The following ATP2B2 variants were observed in gnomAD, a reference collection of about 807,000 sequenced individuals.
The protein encoded by ATP2B2 is plasma membrane calcium-transporting ATPase 2.
ATP2B2 carries 15 observed loss-of-function variants against 120.0 expected under a neutral mutation model. That is an observed-to-expected ratio of 0.12 (90% confidence interval 0.08 to 0.19). The LOEUF (loss-of-function observed/expected upper bound fraction) is 0.19. Ranked by LOEUF, ATP2B2 falls within the 10% of genes least tolerant of loss-of-function variation. The pLI is 1.00. For missense variants in ATP2B2, 1,045 were observed against 1,719.8 expected (o/e 0.61, Z 6.94); for synonymous variants, 694 against 700.3 (o/e 0.99, Z 0.14).
At chr3:10,445,452 G>A (rs2063805503) in intron 2 of ATP2B2, among the ~76,000 whole-genome samples, 1 of 152,236 alleles carries the variant, frequency 6.6e-6, no homozygotes, top group South Asian at 2.1e-4. Context: ...AACCAACAGT[G>A]GAAGAGGAAA....
rs150536494 is a variant in ATP2B2 at position 10,378,462 on chromosome 3, T to A, written c.1043-52A>T. On this transcript the variant is annotated intron_variant, in intron 9 of 22. Coordinates refer to ENST00000360273, the MANE Select transcript of ATP2B2 (RefSeq NM_001001331.4). ...ATACACACAGACACATAGACACACA[T>A]GCAGGTCAGCCCACAGGGTGGAGAC... 8 of 1,596,970 alleles carry A rather than the reference T, an allele frequency of 5.0e-6. 1 individual carries two copies. Among genetic ancestry groups the A allele is most frequent in the South Asian group, 1.1e-5 (1 of 90,974 alleles).
At chr3:10,688,554 C>T (rs1274604192) in intron 1 of ATP2B2, among the ~76,000 whole-genome samples, 1 of 152,212 alleles carries the variant, frequency 6.6e-6, no homozygotes, top group African/African-American at 2.4e-5. Flanking sequence ...AGATGTGTCC[C>T]TGTTGGCTTG....
chr3:10,453,651 T>G (rs2064145919), intron 1 of ATP2B2, among the ~76,000 whole-genome samples: 1 of 152,222 alleles, frequency 6.6e-6, no homozygotes, highest in Admixed American at 6.5e-5. Flanking sequence ...AGCTGCTGTT[T>G]TCTATCTGTG....
chr3:10,382,958 G>A (rs2061574277), intron 8 of ATP2B2, among the ~76,000 whole-genome samples: 1 of 151,942 alleles, frequency 6.6e-6, no homozygotes, highest in Non-Finnish European at 1.5e-5. Context: ...CTCTCCACCT[G>A]TAATGTGCTC....
intron 1 of ATP2B2, among the ~76,000 whole-genome samples, chr3:10,660,652 C>T (rs2070755847): frequency 6.6e-6 from 1 of 152,276 alleles, no homozygotes; most frequent in Admixed American, 6.5e-5. Flanking sequence ...GATTCACAGC[C>T]GAATTCTACC....
At chr3:10,330,224 A>T (rs2059940841) in intron 22 of ATP2B2, 2 of 154,688 alleles carry the variant, frequency 1.3e-5, no homozygotes, top group African/African-American at 4.8e-5. Flanking sequence ...GAATGGGAGG[A>T]GGCTGGTCAT....
chr3:10,332,137 T>A, intron 22 of ATP2B2: 1 of 1,019,438 alleles, frequency 9.8e-7, no homozygotes, highest in Non-Finnish European at 1.5e-6. Flanking sequence ...TGCACTAAAT[T>A]AGTTACCAAA....
intron 1 of ATP2B2, among the ~76,000 whole-genome samples, chr3:10,471,388 GTGTGTGTGTGTT>G (rs1328299377): frequency 8.4e-5 from 10 of 119,546 alleles, no homozygotes; most frequent in Admixed American, 1.7e-4. Context: ...GTGTGTGTGT[GTGTGTGTGTGTT>G]TGTGTGCGTG....
intron 3 of ATP2B2, 98 bp downstream of exon 3, chr3:10,410,520 G>A (rs1174191510): frequency 7.0e-7 from 1 of 1,421,596 alleles, no homozygotes; most frequent in Non-Finnish European, 9.5e-7. Context: ...TTCTTCCCCT[G>A]GGAGGAGAGG....
chr3:10,592,053 G>A (rs922816076), intron 2 of ATP2B2, among the ~76,000 whole-genome samples: 1 of 152,164 alleles, frequency 6.6e-6, no homozygotes, highest in African/African-American at 2.4e-5. Flanking sequence ...GCCTGCACTG[G>A]TCCAGGGCTC....
At chr3:10,571,366 C>T (rs552228459) in intron 2 of ATP2B2, among the ~76,000 whole-genome samples, 32 of 152,340 alleles carry the variant, frequency 2.1e-4, no homozygotes, top group African/African-American at 7.2e-4. Flanking sequence ...CGTGGCCTCA[C>T]GCCCCATGGG....
At chr3:10,421,907 G>A (rs150728327) in intron 2 of ATP2B2, among the ~76,000 whole-genome samples, 1 of 152,180 alleles carries the variant, frequency 6.6e-6, no homozygotes, top group African/African-American at 2.4e-5. Context: ...TTCCTGAAAG[G>A]CTTCCTTGAT....
At position 10,342,911 on chromosome 3, in the gene ATP2B2, A is replaced by G; in HGVS notation, c.2758T>C (p.Phe920Leu). 1 of 1,614,118 alleles carries G rather than the reference A, an allele frequency of 6.2e-7. No homozygotes were observed. Among genetic ancestry groups the G allele is most frequent in the Non-Finnish European group, 8.5e-7 (1 of 1,180,004 alleles). ...MLWVNLIMDTFASLALATEPP... is the reference protein window; with the variant it reads ...MLWVNLIMDTLASLALATEPP... ...TCAGTGGCCAGTGCCAGCGAGGCAA[A>G]CGTGTCCATGATGAGGTTCACCCAG... Residue 920 changes from phenylalanine to leucine, a missense_variant, in exon 19 of 23, where the codon TTT (phenylalanine) becomes CTT (leucine). Around this residue, in one of 11 missense-constraint regions of ATP2B2, gnomAD observed 98 missense variants for 266.7 expected, o/e 0.37. Coordinates refer to ENST00000360273, the MANE Select transcript of ATP2B2 (RefSeq NM_001001331.4). The surrounding 1 kb of genome is among the most constrained non-coding windows in gnomAD (Gnocchi z 4.4).
rs901100323 is a variant in ATP2B2 at position 10,386,842 on chromosome 3, G to C, written c.908-330C>G. 5.1e-4 allele frequency among the ~76,000 whole-genome samples: 77 copies of C among 152,314 alleles called. 2 individuals carry two copies. The highest frequency in any genetic ancestry group is 1.8e-3 in the African/African-American group (73 of 41,564). ...ATTTTTCTGACATCTCCATCTCACA[G>C]GAGTGCAGGTGCATGCTCAGCGAAG... On this transcript the variant is annotated intron_variant, in intron 6 of 22. Coordinates refer to ENST00000360273, the MANE Select transcript of ATP2B2 (RefSeq NM_001001331.4).
intron 1 of ATP2B2, among the ~76,000 whole-genome samples, chr3:10,675,337 G>A (rs80141496): frequency 0.044 from 6,711 of 152,246 alleles, 176 homozygotes; most frequent in South Asian, 0.087. Flanking sequence ...GAATGGAATC[G>A]TTGACCACGT....
chr3:10,621,819 A>G (rs182975971), intron 1 of ATP2B2, among the ~76,000 whole-genome samples: 7 of 152,342 alleles, frequency 4.6e-5, no homozygotes, highest in East Asian at 1.9e-4. Flanking sequence ...GAGAAGTTAC[A>G]TGGCACTCAC....
chr3:10,608,216 C>T (rs745907791), intron 2 of ATP2B2, among the ~76,000 whole-genome samples: 3 of 152,248 alleles, frequency 2.0e-5, no homozygotes, highest in Non-Finnish European at 4.4e-5. Context: ...TCCATCCACA[C>T]TGTAGTTTTC....
chr3:10,393,020 A>C (rs976632103), intron 5 of ATP2B2, among the ~76,000 whole-genome samples: 4 of 152,218 alleles, frequency 2.6e-5, no homozygotes, highest in Admixed American at 6.5e-5. Flanking sequence ...ACAGTCCTTC[A>C]CTTGACGGAC....
At chr3:10,689,188 C>G (rs1319409159) in intron 1 of ATP2B2, among the ~76,000 whole-genome samples, 1 of 152,110 alleles carries the variant, frequency 6.6e-6, no homozygotes, top group Non-Finnish European at 1.5e-5. Flanking sequence ...TCCATATATT[C>G]TATGAGCTCT....
Sources: gnomAD v4.1 joint callset for allele counts (sites outside exome capture counted in the v4.1 genomes callset) on GRCh38, gnomAD v4.1.1 for gene constraint, gnomAD v4.1.1 regional missense constraint, Gnocchi (gnomAD v3.1) non-coding constraint, MANE v1.5 for transcripts, NCBI Gene and HGNC (gene_info 2026-07-23, HGNC 2026-07-21) for gene names.